Variants in VRK2 observed in about 807,000 individuals in gnomAD.
The protein encoded by VRK2 is VRK serine/threonine kinase 2, also known as serine/threonine-protein kinase VRK2.
A neutral mutation model predicts 57.6 loss-of-function variants in VRK2; 60 were observed. The observed-to-expected ratio is 1.04, with a 90% CI of 0.85 to 1.29. VRK2 has a LOEUF of 1.29. VRK2 is among the 50% of genes most tolerant of loss of function. The probability of loss-of-function intolerance (pLI) is 0.00; values close to 1 mark genes in which losing one functional copy is unlikely to be tolerated. For missense variants in VRK2, 705 were observed against 588.1 expected (o/e 1.20, Z -2.06); for synonymous variants, 231 against 199.2 (o/e 1.16, Z -1.35).
At chr2:57,944,242 T>G (rs1172256911) in intron 1 of VRK2, among the ~76,000 whole-genome samples, 6 of 152,220 alleles carry the variant, frequency 3.9e-5, no homozygotes, top group Non-Finnish European at 5.9e-5. Flanking sequence ...AAGGTTTCTC[T>G]TTCTTTATTT....
At chr2:58,076,106 C>CTTTTTTTTTTTTTTTTTT (rs71394406) in intron 2 of VRK2, among the ~76,000 whole-genome samples, 2 of 121,818 alleles carry the variant, frequency 1.6e-5, no homozygotes, top group Non-Finnish European at 3.5e-5. Context: ...CTACTGTCTT[C>CTTTTTTTTTTTTTTTTTT]TTTTTTTTTT....
At chr2:58,121,533 G>A (rs1677506777) in intron 7 of VRK2, among the ~76,000 whole-genome samples, 1 of 152,162 alleles carries the variant, frequency 6.6e-6, no homozygotes. Context: ...GTGGGAAAGA[G>A]AGACAAACTG....
chr2:57,964,902 A>C (rs796737747), intron 1 of VRK2, among the ~76,000 whole-genome samples: 2,685 of 149,692 alleles, frequency 0.018, 80 homozygotes, highest in African/African-American at 0.064. Flanking sequence ...AAAAAAAAAA[A>C]AAAAAACTGT....
intron 1 of VRK2, among the ~76,000 whole-genome samples, chr2:57,933,394 C>A (rs1391821905): frequency 7.2e-6 from 1 of 139,380 alleles, no homozygotes; most frequent in Non-Finnish European, 1.5e-5. Context: ...CTCACCACAA[C>A]CTCTGCCTCC....
At chr2:58,047,793 C>T (rs1184987762) in intron 1 of VRK2, among the ~76,000 whole-genome samples, 1 of 152,062 alleles carries the variant, frequency 6.6e-6, no homozygotes, top group Non-Finnish European at 1.5e-5. Context: ...AGCGACTCTA[C>T]CTGGGACAAT....
At chr2:58,019,883 T>C (rs1167511493) in intron 1 of VRK2, among the ~76,000 whole-genome samples, 7 of 152,156 alleles carry the variant, frequency 4.6e-5, no homozygotes, top group Non-Finnish European at 1.0e-4. Context: ...AATTCAAACT[T>C]TTTAGAAGGC....
chr2:58,011,030 C>G (rs1673402396), intron 1 of VRK2, among the ~76,000 whole-genome samples: 1 of 152,180 alleles, frequency 6.6e-6, no homozygotes, highest in Non-Finnish European at 1.5e-5. Context: ...GTGAAACTAG[C>G]TGGCCTCCAT....
At chr2:57,913,555 C>A (rs904353736) in intron 1 of VRK2, among the ~76,000 whole-genome samples, 4 of 152,156 alleles carry the variant, frequency 2.6e-5, no homozygotes, top group Non-Finnish European at 5.9e-5. Context: ...TGTGGCCTAG[C>A]TAGATATCTC....
chr2:58,006,481 T>A (rs1203518007), intron 1 of VRK2, among the ~76,000 whole-genome samples: 1 of 152,182 alleles, frequency 6.6e-6, no homozygotes, highest in Non-Finnish European at 1.5e-5. Context: ...CTAGAAGACA[T>A]ACCACTGACC....
intron 1 of VRK2, among the ~76,000 whole-genome samples, chr2:57,968,895 T>C (rs1239938835): frequency 3.3e-5 from 5 of 152,108 alleles, no homozygotes; most frequent in African/African-American, 9.7e-5. Context: ...GTTTGCATAA[T>C]GCAACTTCCT....
At chr2:58,156,718 GTATGT>G (rs2104724876) in intron 12 of VRK2, among the ~76,000 whole-genome samples, 1 of 151,890 alleles carries the variant, frequency 6.6e-6, no homozygotes, top group South Asian at 2.1e-4. Context: ...ATATTTCTTT[GTATGT>G]TGAGATTCCA....
chr2:57,945,599 A>T (rs1671238626), intron 1 of VRK2, among the ~76,000 whole-genome samples: 1 of 152,100 alleles, frequency 6.6e-6, no homozygotes, highest in Non-Finnish European at 1.5e-5. Context: ...TGGTTTCAAA[A>T]TAAATGAATA....
chr2:57,961,628 C>A (rs1036959405), intron 1 of VRK2, among the ~76,000 whole-genome samples: 1 of 134,114 alleles, frequency 7.5e-6, no homozygotes, highest in Non-Finnish European at 1.6e-5. Context: ...TACCCACCCC[C>A]CCCCCCACTT....
chr2:58,119,551 G>A (rs1677104797), intron 7 of VRK2, among the ~76,000 whole-genome samples: 1 of 150,898 alleles, frequency 6.6e-6, no homozygotes, highest in South Asian at 2.1e-4. Flanking sequence ...GCCCCAACAG[G>A]TCAAATTAAT....
At chr2:57,920,766 G>A (rs531960961) in intron 1 of VRK2, among the ~76,000 whole-genome samples, 1 of 152,162 alleles carries the variant, frequency 6.6e-6, no homozygotes, top group African/African-American at 2.4e-5. Flanking sequence ...TGGTTGCAGA[G>A]ATCAACTATG....
intron 1 of VRK2, among the ~76,000 whole-genome samples, chr2:57,943,373 A>C (rs1405447888): frequency 5.3e-5 from 8 of 152,206 alleles, no homozygotes; most frequent in Non-Finnish European, 1.2e-4. Flanking sequence ...TGTATGAGAA[A>C]AGTTTATGGT....
chr2:58,125,618 A>G (rs988032634), intron 8 of VRK2, among the ~76,000 whole-genome samples: 10 of 151,736 alleles, frequency 6.6e-5, no homozygotes, highest in African/African-American at 1.7e-4. Context: ...CAAAGGTTTT[A>G]CCAGATTCTT....
intron 2 of VRK2, among the ~76,000 whole-genome samples, chr2:58,049,198 A>G (rs1361112694): frequency 1.3e-5 from 2 of 152,200 alleles, no homozygotes; most frequent in Admixed American, 6.5e-5. Context: ...TTTTTAGAGC[A>G]TAATTATACA....
intron 7 of VRK2, among the ~76,000 whole-genome samples, chr2:58,099,332 T>C (rs1673621139): frequency 1.3e-5 from 2 of 152,224 alleles, no homozygotes; most frequent in South Asian, 4.1e-4. Context: ...TTTTCCTTTT[T>C]CTAATTTCCT....
Sources: gnomAD v4.1 joint callset for allele counts (sites outside exome capture counted in the v4.1 genomes callset) on GRCh38, gnomAD v4.1.1 for gene constraint, MANE v1.5 for transcripts, NCBI Gene and HGNC (gene_info 2026-07-23, HGNC 2026-07-21) for gene names.